Variants in SYTL1 observed in about 807,000 individuals in gnomAD.
The protein encoded by SYTL1 is synaptotagmin like 1, also known as synaptotagmin-like protein 1.
A neutral mutation model predicts 74.6 loss-of-function variants in SYTL1; 53 were observed. The observed-to-expected ratio is 0.71, with a 90% CI of 0.57 to 0.89. The LOEUF is 0.89. Ranked by LOEUF, SYTL1 falls within the 40% of genes least tolerant of loss-of-function variation. The pLI is 0.00. For missense variants in SYTL1, 728 were observed against 768.7 expected (o/e 0.95, Z 0.63); for synonymous variants, 329 against 324.9 (o/e 1.01, Z -0.14).
At position 27,350,522 on chromosome 1, in the gene SYTL1, A is replaced by C. The variant is rs752443439; in HGVS notation, c.1005+37A>C. On this transcript the variant is annotated intron_variant, in intron 10 of 14. Transcript: ENST00000616558. This position sits in a 1 kb window ranked among gnomAD's most constrained non-coding sequence, Gnocchi z 6.3. ...ACCACGATGCGGTTCCCCGTTAATG[A>C]ACTGGACGCCCCCTTCCTGCGGGGC... 1 of 1,546,378 alleles carries C rather than the reference A, an allele frequency of 6.5e-7. No individual in the cohort carries two copies. Among genetic ancestry groups the C allele is most frequent in the Admixed American group, 1.7e-5 (1 of 59,524 alleles).
In SYTL1 at chr1:27,353,825, C is replaced by T; in HGVS notation, c.1662C>T (p.Leu554=). ...PCEWVDGLLP[L]RTNLAPRT Reference sequence around the variant, plus strand: ...AATGGGTGGATGGCCTTCTACCCCTCAGAACCAACCTGGCCCCCAGGACGT... The same window carrying T: ...AATGGGTGGATGGCCTTCTACCCCTTAGAACCAACCTGGCCCCCAGGACGT... Residue 554 remains leucine, a synonymous_variant, in exon 15 of 15, where the codon CTC becomes CTT. Transcript: ENST00000616558. 1 of 1,613,984 alleles carries T rather than the reference C, an allele frequency of 6.2e-7. No individual in the cohort carries two copies. The highest frequency in any genetic ancestry group is 8.5e-7 in the Non-Finnish European group (1 of 1,179,862).
At position 27,349,717 on chromosome 1, in the gene SYTL1, C is replaced by T; in HGVS notation, c.699C>T (p.Asp233=). The change falls in exon 8 of 15, where the codon GAC becomes GAT. Residue 233 remains aspartate (D), a synonymous_variant. Transcript: ENST00000616558. Reference sequence around the variant, plus strand: ...CCCCGGGGCCCGACCCCTCTCTCGACCGCATGCTCAGCAGCAGCTCCTCGG... The same window carrying T: ...CCCCGGGGCCCGACCCCTCTCTCGATCGCATGCTCAGCAGCAGCTCCTCGG... ...EEAPGPDPSL[D]RMLSSSSSVS... 1 of 1,610,892 alleles carries T rather than the reference C, an allele frequency of 6.2e-7. No individual in the cohort carries two copies. The highest frequency in any genetic ancestry group is 8.5e-7 in the Non-Finnish European group (1 of 1,179,436).
chr1:27,351,666 A>C lies in SYTL1; in HGVS notation c.1343+111A>C. On this transcript the variant is annotated intron_variant, in intron 13 of 14. Coordinates refer to ENST00000616558, the MANE Select transcript of SYTL1 (RefSeq NM_001193308.2). This position sits in a 1 kb window ranked among gnomAD's most constrained non-coding sequence, Gnocchi z 5.0. ...TGATCACGCAGCCTGGGCTTTCACC[A>C]CTGAGCAGGGGTGAAGGGGACGGTT... 1 of 714,776 alleles carries C rather than the reference A, an allele frequency of 1.4e-6. No individual in the cohort carries two copies. The highest frequency in any genetic ancestry group is 1.8e-5 in the African/African-American group (1 of 55,106). The allele number at this position is 714,776 out of a possible 1,614,324, so 44.3% of individuals were successfully genotyped here.
chr1:27,353,393 C>T lies in SYTL1; in HGVS notation c.1454C>T (p.Ala485Val). ...ATGGTGTACGATGGCTTTGGGCCTG[C>T]TGACCTGCGCCAGGCTTGTGCCGAG... ...HTMVYDGFGP[A>V]DLRQACAELS... The change falls in exon 14 of 15, where the codon GCT becomes GTT. Residue 485 changes from alanine (A) to valine (V), a missense_variant. Transcript: ENST00000616558. The T allele has an allele frequency of 6.2e-7, 1 of 1,611,380 alleles. No individual in the cohort carries two copies. The highest frequency in any genetic ancestry group is 8.5e-7 in the Non-Finnish European group (1 of 1,179,220).
chr1:27,347,779 G>C lies in SYTL1; in HGVS notation c.341-29G>C. On this transcript the variant is annotated intron_variant, in intron 3 of 14. Transcript: ENST00000616558. The surrounding 1 kb of genome is among the most constrained non-coding windows in gnomAD (Gnocchi z 4.9). ...CACAGCCAGGCTTCCTGAGCATGGGGGCTCACAGAACTTCTCACCTGCGCC... is the reference window on the plus strand; with the variant it reads ...CACAGCCAGGCTTCCTGAGCATGGGCGCTCACAGAACTTCTCACCTGCGCC... 6.2e-7 allele frequency: 1 copy of C among 1,602,994 alleles called. No homozygotes were observed. The highest frequency in any genetic ancestry group is 1.1e-5 in the South Asian group (1 of 89,626).
At position 27,350,133 on chromosome 1, in the gene SYTL1, G is replaced by A; in HGVS notation, c.908+1G>A. 4 of 1,396,572 alleles carry A rather than the reference G, an allele frequency of 2.9e-6. No individual in the cohort carries two copies. Among genetic ancestry groups the A allele is most frequent in the Non-Finnish European group, 3.7e-6 (4 of 1,077,322 alleles). The allele number at this position is 1,396,572 out of a possible 1,614,324, so 86.5% of individuals were successfully genotyped here. A position where few individuals can be genotyped will look rare whatever the true frequency, so the allele number is the denominator to read the frequency against. Reference sequence around the variant, plus strand: ...CCGCCCGGCGCCGCCGCTCGGACCCGTGAGTGCCCCGCCGGCCAAGCGGGG... The same window carrying A: ...CCGCCCGGCGCCGCCGCTCGGACCCATGAGTGCCCCGCCGGCCAAGCGGGG... On this transcript the variant is annotated splice_donor_variant, in intron 9 of 14. Coordinates refer to ENST00000616558, the MANE Select transcript of SYTL1 (RefSeq NM_001193308.2). LOFTEE classifies it high-confidence loss of function. The surrounding 1 kb of genome is among the most constrained non-coding windows in gnomAD (Gnocchi z 6.3).
chr1:27,353,676 G>A lies in SYTL1; in HGVS notation c.1550-37G>A. ...GTTTGGGGGCCCCAAGGTGTCCAGTGTGATCATGCCCTCAACCCCTGCCCA... is the reference window on the plus strand; with the variant it reads ...GTTTGGGGGCCCCAAGGTGTCCAGTATGATCATGCCCTCAACCCCTGCCCA... On this transcript the variant is annotated intron_variant, in intron 14 of 14. Transcript: ENST00000616558. The A allele has an allele frequency of 2.5e-6, 4 of 1,599,590 alleles. No homozygotes were observed. The South Asian group carries it at 4.5e-5, about 18-fold the overall frequency.
rs1465365857 is a variant in SYTL1 at position 27,347,376 on chromosome 1, T to A, written c.192-45T>A. ...GTTAACAATGTAGGTGGCGGGAATG[T>A]TGCTTGGGTGAGTCATGACAGCCAC... is the stretch of plus-strand genomic sequence containing the variant. On this transcript the variant is annotated intron_variant, in intron 2 of 14. Coordinates refer to ENST00000616558, the MANE Select transcript of SYTL1 (RefSeq NM_001193308.2). The surrounding 1 kb of genome is among the most constrained non-coding windows in gnomAD (Gnocchi z 4.9). The A allele has an allele frequency of 1.2e-6, 2 of 1,613,176 alleles. No individual in the cohort carries two copies. The highest frequency in any genetic ancestry group is 1.7e-6 in the Non-Finnish European group (2 of 1,179,754).
intron 8 of SYTL1, 97 bp downstream of exon 8, chr1:27,349,862 G>T (rs997106222): frequency 6.5e-7 from 1 of 1,535,606 alleles, no homozygotes; most frequent in South Asian, 1.2e-5. Context: ...ACCCACCGCT[G>T]CAGCCCCCCA....
rs1487167537 is a variant in SYTL1, at chr1:27,347,127, AT to A, written c.192-292del. On this transcript the variant is annotated intron_variant, in intron 2 of 14. Transcript: ENST00000616558. The surrounding 1 kb of genome is among the most constrained non-coding windows in gnomAD (Gnocchi z 4.9). Reference sequence around the variant, plus strand: ...TAGAGGGAGACTCCATCTCAAAATAATTAAGTAAATAAATAAATAAAGGCAA... The same window carrying A: ...TAGAGGGAGACTCCATCTCAAAATAATAAGTAAATAAATAAATAAAGGCAA... 6.6e-6 allele frequency among the ~76,000 whole-genome samples: 1 copy of A among 152,220 alleles called. No individual in the cohort carries two copies. Among genetic ancestry groups the A allele is most frequent in the African/African-American group, 2.4e-5 (1 of 41,454 alleles).
In SYTL1 at chr1:27,351,525, G is replaced by C. The variant is rs1171697042; in HGVS notation, c.1313G>C (p.Arg438Pro). The C allele has an allele frequency of 6.5e-7, 1 of 1,548,116 alleles. No individual in the cohort carries two copies. The highest frequency in any genetic ancestry group is 8.7e-7 in the Non-Finnish European group (1 of 1,145,462). Residue 438 changes from arginine (R) to proline (P), a missense_variant, in exon 13 of 15, where the codon CGG becomes CCG. Physicochemically the swap from Arg to Pro is moderately radical, Grantham distance 103 (BLOSUM62 -2). Coordinates refer to ENST00000616558, the MANE Select transcript of SYTL1 (RefSeq NM_001193308.2). The surrounding 1 kb of genome is among the most constrained non-coding windows in gnomAD (Gnocchi z 5.0). ...GAGGCTCGGGACCTCCTGCCGCTGC[G>C]GGCAGGATCCCTGGACACTTACGTA... is the stretch of plus-strand genomic sequence containing the variant. ...VKEARDLLPLRAGSLDTYVQC... is the reference protein window; with the variant it reads ...VKEARDLLPLPAGSLDTYVQC...
chr1:27,350,611 C>G lies in SYTL1; in HGVS notation c.1005+126C>G, dbSNP rs577766476. The G allele has an allele frequency of 1.9e-6, 2 of 1,069,674 alleles. No individual in the cohort carries two copies. The highest frequency in any genetic ancestry group is 2.7e-6 in the Non-Finnish European group (2 of 734,046). The allele number at this position is 1,069,674 out of a possible 1,614,324, so 66.3% of individuals were successfully genotyped here. A position where few individuals can be genotyped will look rare whatever the true frequency, so the allele number is the denominator to read the frequency against. ...GATCGGCGGAGGGGGCCCATTAACT[C>G]GTTATCCAGTGTTGTCAGCCTCGTG... On this transcript the variant is annotated intron_variant, in intron 10 of 14. Coordinates refer to ENST00000616558, the MANE Select transcript of SYTL1 (RefSeq NM_001193308.2). The surrounding 1 kb of genome is among the most constrained non-coding windows in gnomAD (Gnocchi z 6.3).
rs772710114 is a variant in SYTL1 at position 27,353,849 on chromosome 1, G to A, written c.1686G>A (p.Thr562=). Residue 562 remains threonine (T), a synonymous_variant, in exon 15 of 15, where the codon ACG becomes ACA. Coordinates refer to ENST00000616558, the MANE Select transcript of SYTL1 (RefSeq NM_001193308.2). The part of the protein sequence containing the change: ...LPLRTNLAPR[T] ...TCAGAACCAACCTGGCCCCCAGGAC[G>A]TAGCCCCACCAAGCCTCTCTCTCTG... is the stretch of plus-strand genomic sequence containing the variant. 8.1e-6 allele frequency: 13 copies of A among 1,612,374 alleles called. No homozygotes were observed. The highest frequency in any genetic ancestry group is 4.5e-5 in the East Asian group (2 of 44,872).
At position 27,349,744 on chromosome 1, in the gene SYTL1, G is replaced by A. The variant is rs1364411386; in HGVS notation, c.726G>A (p.Val242=). ...GCATGCTCAGCAGCAGCTCCTCGGT[G>A]TCCAGCCTTAACTCCTCCACGGTGA... ...LDRMLSSSSS[V]SSLNSSTLSG... is the part of the protein sequence containing the mutation. Residue 242 remains valine, a synonymous_variant, in exon 8 of 15, where the codon GTG becomes GTA. Transcript: ENST00000616558. 6.2e-7 allele frequency: 1 copy of A among 1,606,152 alleles called. No individual in the cohort carries two copies. The highest frequency in any genetic ancestry group is 1.7e-5 in the Admixed American group (1 of 59,836).
intron 6 of SYTL1, 76 bp downstream of exon 6, chr1:27,349,228 T>C: frequency 6.5e-7 from 1 of 1,539,664 alleles, no homozygotes; most frequent in Non-Finnish European, 8.9e-7. Context: ...CCCAACCACC[T>C]GTGTTCACCC....
rs2014946755 is a variant in SYTL1, at chr1:27,345,283, C to CG, written c.-38-12dup. 4 of 1,369,498 alleles carry CG rather than the reference C, an allele frequency of 2.9e-6. No homozygotes were observed. Among genetic ancestry groups the CG allele is most frequent in the Non-Finnish European group, 3.9e-6 (4 of 1,034,404 alleles). The allele number at this position is 1,369,498 out of a possible 1,614,324, so 84.8% of individuals were successfully genotyped here. A position where few individuals can be genotyped will look rare whatever the true frequency, so the allele number is the denominator to read the frequency against. The stretch of plus-strand genomic sequence containing the variant: ...TTTGTGCAGGGCTTGACCTGACCCT[C>CG]GGTCTGCCCCCAGGAAGCTCCGTGT... On this transcript the variant is annotated splice_polypyrimidine_tract_variant and intron_variant, in intron 1 of 14. Coordinates refer to ENST00000616558, the MANE Select transcript of SYTL1 (RefSeq NM_001193308.2). This position sits in a 1 kb window ranked among gnomAD's most constrained non-coding sequence, Gnocchi z 6.0.
chr1:27,350,211 T>C lies in SYTL1; in HGVS notation c.908+79T>C. On this transcript the variant is annotated intron_variant, in intron 9 of 14. Transcript: ENST00000616558. This position sits in a 1 kb window ranked among gnomAD's most constrained non-coding sequence, Gnocchi z 6.3. ...TCACAGGGTCTCGGCCTCCTCGTCC[T>C]CATCTTCAAAATGGGAACAACAGCG... 6.7e-7 allele frequency: 1 copy of C among 1,483,316 alleles called. No homozygotes were observed. The allele number at this position is 1,483,316 out of a possible 1,614,324, so 91.9% of individuals were successfully genotyped here. A position where few individuals can be genotyped will look rare whatever the true frequency, so the allele number is the denominator to read the frequency against.
chr1:27,351,127 A>G lies in SYTL1; in HGVS notation c.1165-131A>G. On this transcript the variant is annotated intron_variant, in intron 11 of 14. Transcript: ENST00000616558. This position sits in a 1 kb window ranked among gnomAD's most constrained non-coding sequence, Gnocchi z 5.0. ...CCACGGCCCCTTCCCCGAGGGCGCT[A>G]GGACCCCTAGGTTCTGCCCCTGCAG... is the stretch of plus-strand genomic sequence containing the variant. 8 of 1,321,112 alleles carry G rather than the reference A, an allele frequency of 6.1e-6. No individual in the cohort carries two copies. Among genetic ancestry groups the G allele is most frequent in the Non-Finnish European group, 8.3e-6 (8 of 969,660 alleles). The allele number at this position is 1,321,112 out of a possible 1,614,324, so 81.8% of individuals were successfully genotyped here. A position where few individuals can be genotyped will look rare whatever the true frequency, so the allele number is the denominator to read the frequency against.
At position 27,350,064 on chromosome 1, in the gene SYTL1, C is replaced by T. The variant is rs764776558; in HGVS notation, c.840C>T (p.Ala280=). ...TCGCGCTGCACTACGAGCCGGGCGC[C>T]GCCGAGCTGCGCGTGCACGTGATCC... ...VHFALHYEPG[A]AELRVHVIQC... The change falls in exon 9 of 15, where the codon GCC becomes GCT. Residue 280 remains alanine, a synonymous_variant. Coordinates refer to ENST00000616558, the MANE Select transcript of SYTL1 (RefSeq NM_001193308.2). This position sits in a 1 kb window ranked among gnomAD's most constrained non-coding sequence, Gnocchi z 6.3. 43 of 1,502,730 alleles carry T rather than the reference C, an allele frequency of 2.9e-5. No individual in the cohort carries two copies. Among genetic ancestry groups the T allele is most frequent in the Admixed American group, 8.6e-5 (4 of 46,550 alleles). The allele number at this position is 1,502,730 out of a possible 1,614,324, so 93.1% of individuals were successfully genotyped here.
Sources: gnomAD v4.1 joint callset for allele counts (sites outside exome capture counted in the v4.1 genomes callset) on GRCh38, gnomAD v4.1.1 for gene constraint, Gnocchi (gnomAD v3.1) non-coding constraint, MANE v1.5 for transcripts, NCBI Gene and HGNC (gene_info 2026-07-23, HGNC 2026-07-21) for gene names.